The following ACOXL variants were observed in gnomAD, a reference collection of about 807,000 sequenced individuals.
The protein encoded by ACOXL is acyl-CoA oxidase like, also known as acyl-coenzyme A oxidase-like protein.
A neutral mutation model predicts 71.9 loss-of-function variants in ACOXL; 70 were observed. The ratio of observed to expected loss-of-function variants is 0.97; its 90% CI spans 0.80 to 1.19. The LOEUF (loss-of-function observed/expected upper bound fraction) is 1.19. Ranked by LOEUF, ACOXL falls within the 50% of genes most tolerant of loss-of-function variation. ACOXL has a pLI of 0.00. For missense variants in ACOXL, 703 were observed against 736.3 expected, an observed-to-expected ratio of 0.95 and a Z score of 0.52; for synonymous variants, 253 against 281.6, an observed-to-expected ratio of 0.90 and a Z score of 1.02.
intron 1 of ACOXL, among the ~76,000 whole-genome samples, chr2:110,734,275 A>AT (rs547005789): frequency 5.2e-4 from 76 of 147,226 alleles, no homozygotes; most frequent in South Asian, 1.1e-3. Flanking sequence ...GGACCTCATA[A>AT]TTTTTTTTTT....
intron 10 of ACOXL, chr2:110,886,692 C>T: frequency 6.6e-7 from 1 of 1,514,642 alleles, no homozygotes; most frequent in Non-Finnish European, 9.0e-7. Flanking sequence ...CCCTATCCTT[C>T]TGAATGCCAA....
intron 2 of ACOXL, among the ~76,000 whole-genome samples, chr2:110,781,983 C>T (rs1181956616): frequency 1.3e-5 from 2 of 152,196 alleles, no homozygotes; most frequent in Non-Finnish European, 2.9e-5. Context: ...TTAAGAAAAG[C>T]TATCTTCCTC....
chr2:110,987,769 C>T (rs1410782838), intron 13 of ACOXL, among the ~76,000 whole-genome samples: 3 of 152,204 alleles, frequency 2.0e-5, no homozygotes, highest in Non-Finnish European at 4.4e-5. Flanking sequence ...CAGAACTCCT[C>T]TTCACAATAT....
intron 16 of ACOXL, among the ~76,000 whole-genome samples, chr2:111,055,234 G>A (rs191006528): frequency 3.3e-4 from 51 of 152,280 alleles, no homozygotes; most frequent in Admixed American, 3.3e-3. Context: ...TGCTCGCCAC[G>A]GCAACCCAAG....
chr2:111,063,506 GA>G (rs1444739920), intron 16 of ACOXL, among the ~76,000 whole-genome samples: 1 of 151,264 alleles, frequency 6.6e-6, no homozygotes, highest in Non-Finnish European at 1.5e-5. Flanking sequence ...ATATTAACAG[GA>G]AAAAGAGAAA....
intron 10 of ACOXL, among the ~76,000 whole-genome samples, chr2:110,876,996 A>G (rs1695998054): frequency 1.3e-5 from 2 of 152,186 alleles, no homozygotes; most frequent in South Asian, 4.1e-4. Context: ...CTCCCCATCC[A>G]TGCTCTGGTG....
intron 17 of ACOXL, chr2:111,115,513 A>G (rs1020197547): frequency 1.3e-5 from 2 of 152,236 alleles, no homozygotes; most frequent in African/African-American, 2.4e-5. Flanking sequence ...GTAGGAATCC[A>G]GCATACCATT....
chr2:110,861,282 T>C (rs1008967003), intron 10 of ACOXL, among the ~76,000 whole-genome samples: 26 of 151,984 alleles, frequency 1.7e-4, no homozygotes, highest in African/African-American at 5.1e-4. Flanking sequence ...TCAATGTAAA[T>C]TCTACATCAT....
intron 15 of ACOXL, among the ~76,000 whole-genome samples, chr2:111,038,536 T>C (rs1044946946): frequency 6.6e-6 from 1 of 152,204 alleles, no homozygotes; most frequent in African/African-American, 2.4e-5. Context: ...TTTCAAAATA[T>C]GGTTACATTA....
intron 14 of ACOXL, among the ~76,000 whole-genome samples, chr2:111,000,632 C>T (rs1438833756): frequency 6.6e-6 from 1 of 152,198 alleles, no homozygotes; most frequent in Non-Finnish European, 1.5e-5. Context: ...TCCTTCCTTG[C>T]CCTTTCTGGC....
chr2:111,022,039 A>C (rs923815795), intron 14 of ACOXL, among the ~76,000 whole-genome samples: 6 of 152,162 alleles, frequency 3.9e-5, no homozygotes, highest in Admixed American at 3.3e-4. Context: ...AAAAAATTGT[A>C]AAGACGTAAT....
intron 16 of ACOXL, among the ~76,000 whole-genome samples, chr2:111,089,345 G>A: frequency 6.6e-6 from 1 of 152,182 alleles, no homozygotes; most frequent in Non-Finnish European, 1.5e-5. Context: ...AAAAATTGAT[G>A]ATGTGTCTTG....
At position 110,799,105 on chromosome 2, in the gene ACOXL, G is replaced by A. The variant is rs201074676; in HGVS notation, c.547+5G>A. On this transcript the variant is annotated splice_donor_5th_base_variant and intron_variant, in intron 7 of 17. Transcript: ENST00000439055. ...TTGATATGATGTACAAGGAGGGTGA[G>A]TCCCCAGGTGCCCTTTTCCTGTGCT... The A allele has an allele frequency of 1.2e-5, 19 of 1,612,666 alleles. No individual in the cohort carries two copies. The highest frequency in any genetic ancestry group is 1.7e-5 in the Admixed American group (1 of 60,004).
chr2:111,043,310 G>T (rs2065870870), intron 15 of ACOXL, among the ~76,000 whole-genome samples: 1 of 152,198 alleles, frequency 6.6e-6, no homozygotes, highest in Non-Finnish European at 1.5e-5. Flanking sequence ...GAAGTTAAAG[G>T]CCCCTGTCAA....
intron 10 of ACOXL, among the ~76,000 whole-genome samples, chr2:110,854,081 C>G (rs551330322): frequency 6.6e-6 from 1 of 152,118 alleles, no homozygotes; most frequent in South Asian, 2.1e-4. Flanking sequence ...AGGAAGCACT[C>G]GATGCTCCAA....
intron 11 of ACOXL, among the ~76,000 whole-genome samples, chr2:110,925,370 G>A (rs768177416): frequency 6.6e-6 from 1 of 152,238 alleles, no homozygotes; most frequent in Non-Finnish European, 1.5e-5. Context: ...AAAATATGTT[G>A]TTGAGTGTAG....
intron 15 of ACOXL, among the ~76,000 whole-genome samples, chr2:111,033,043 T>C (rs969169786): frequency 6.6e-6 from 1 of 152,204 alleles, no homozygotes; most frequent in Non-Finnish European, 1.5e-5. Context: ...CACAGGTTTC[T>C]CATGGGACGG....
intron 14 of ACOXL, among the ~76,000 whole-genome samples, chr2:111,025,063 G>A (rs2064955486): frequency 1.3e-5 from 2 of 152,026 alleles, no homozygotes; most frequent in African/African-American, 4.8e-5. Context: ...CAACTTTGCA[G>A]TCAATCCCTT....
chr2:111,020,723 T>C (rs749786339), intron 14 of ACOXL, among the ~76,000 whole-genome samples: 8 of 152,210 alleles, frequency 5.3e-5, no homozygotes, highest in Non-Finnish European at 8.8e-5. Flanking sequence ...TGAACAATGA[T>C]GTGGGCTCTC....
Sources: gnomAD v4.1 joint callset for allele counts (sites outside exome capture counted in the v4.1 genomes callset) on GRCh38, gnomAD v4.1.1 for gene constraint, MANE v1.5 for transcripts, NCBI Gene and HGNC (gene_info 2026-07-23, HGNC 2026-07-21) for gene names.